ASIC5: variants seen among roughly 807,000 people sequenced by gnomAD.
ASIC5 encodes bile acid-sensitive ion channel.
A neutral mutation model predicts 51.2 loss-of-function variants in ASIC5; 52 were observed. That is an observed-to-expected ratio of 1.02 (90% CI 0.81 to 1.28). ASIC5 has a LOEUF of 1.28. Ranked by LOEUF, ASIC5 falls within the 50% of genes most tolerant of loss-of-function variation. ASIC5 has a pLI of 0.00. For missense variants in ASIC5, 635 were observed against 595.0 expected, an observed-to-expected ratio of 1.07 and a Z score of -0.70; for synonymous variants, 231 against 200.7, an observed-to-expected ratio of 1.15 and a Z score of -1.28.
At chr4:155,844,510 G>A (rs934571892) in intron 4 of ASIC5, among the ~76,000 whole-genome samples, 1 of 152,004 alleles carries the variant, frequency 6.6e-6, no homozygotes, top group Non-Finnish European at 1.5e-5. Flanking sequence ...ACAACCAGCT[G>A]ATGTTAATTT....
chr4:155,859,057 C>A (rs138480260), intron 2 of ASIC5, among the ~76,000 whole-genome samples: 45 of 151,938 alleles, frequency 3.0e-4, no homozygotes, highest in African/African-American at 1.1e-3. Flanking sequence ...TAAGAGAGGG[C>A]CCCTGAGAAG....
intron 4 of ASIC5, among the ~76,000 whole-genome samples, chr4:155,845,560 G>A (rs1025047399): frequency 6.6e-6 from 1 of 151,984 alleles, no homozygotes; most frequent in Non-Finnish European, 1.5e-5. Flanking sequence ...AGTGCACTCT[G>A]AAAGCATCAC....
At chr4:155,830,259 C>A (rs1372222511) in intron 9 of ASIC5, among the ~76,000 whole-genome samples, 5 of 151,898 alleles carry the variant, frequency 3.3e-5, no homozygotes, top group Non-Finnish European at 7.4e-5. Flanking sequence ...AGAAGAAAAG[C>A]AAACATAAAA....
chr4:155,854,443 T>C (rs951153751), intron 2 of ASIC5, 129 bp from the exon 3 acceptor site: 4 of 704,056 alleles, frequency 5.7e-6, no homozygotes, highest in Non-Finnish European at 9.5e-6. Context: ...GCAAGACATT[T>C]AAGCAAAATT....
intron 5 of ASIC5, 111 bp from the exon 6 acceptor site, chr4:155,842,465 T>C: frequency 2.8e-6 from 3 of 1,053,266 alleles, no homozygotes; most frequent in Non-Finnish European, 2.7e-6. Flanking sequence ...TCTTTGATTT[T>C]CAAAACCAAA....
intron 6 of ASIC5, among the ~76,000 whole-genome samples, chr4:155,839,225 T>G (rs143566462): frequency 2.4e-3 from 361 of 152,232 alleles, no homozygotes; most frequent in African/African-American, 8.4e-3. Context: ...TCCTGTCATA[T>G]GAGAATTTTC....
At chr4:155,843,387 C>T (rs1350864578) in intron 5 of ASIC5, among the ~76,000 whole-genome samples, 1 of 152,110 alleles carries the variant, frequency 6.6e-6, no homozygotes, top group Non-Finnish European at 1.5e-5. Flanking sequence ...CCCAGATAGT[C>T]TCATTGAAGA....
intron 3 of ASIC5, among the ~76,000 whole-genome samples, 181 bp from the exon 4 acceptor site, chr4:155,852,497 C>A (rs1014098686): frequency 6.0e-4 from 88 of 145,648 alleles, no homozygotes; most frequent in African/African-American, 2.2e-3. Flanking sequence ...AATATGCATT[C>A]GTCAATTTGC....
At position 155,829,943 on chromosome 4, in the gene ASIC5, GA is replaced by G; in HGVS notation, c.1430del (p.Phe477SerfsTer4). 6.2e-7 allele frequency: 1 copy of G among 1,606,996 alleles called. No homozygotes were observed. Among genetic ancestry groups the G allele is most frequent in the East Asian group, 2.2e-5 (1 of 44,542 alleles). On this transcript the variant is annotated frameshift_variant, in exon 10 of 10. Transcript: ENST00000537611. LOFTEE classifies it low-confidence loss of function (END_TRUNC). ...TCATTTCAGATATCTTCAGCAAAAA[GA>G]AAATGCATATCCAGTAGAAATTGGT... ...LFTNFYWICI[F>X]FLLKISEMTQ... is the part of the protein sequence containing the mutation.
chr4:155,857,603 A>T (rs986770610), intron 2 of ASIC5, among the ~76,000 whole-genome samples: 7 of 152,204 alleles, frequency 4.6e-5, no homozygotes, highest in Non-Finnish European at 1.0e-4. Flanking sequence ...CAGTTATTAG[A>T]TATGTCTTTC....
At chr4:155,849,875 C>T (rs1388978431) in intron 4 of ASIC5, among the ~76,000 whole-genome samples, 1 of 152,036 alleles carries the variant, frequency 6.6e-6, no homozygotes, top group South Asian at 2.1e-4. Context: ...TACTGATGTA[C>T]GGACTTCAAA....
At chr4:155,845,014 C>G (rs568884082) in intron 4 of ASIC5, among the ~76,000 whole-genome samples, 4 of 151,816 alleles carry the variant, frequency 2.6e-5, no homozygotes, top group African/African-American at 9.7e-5. Flanking sequence ...AACACGTGTC[C>G]CAACTTGGTC....
At chr4:155,839,632 A>G (rs895696499) in intron 6 of ASIC5, among the ~76,000 whole-genome samples, 1 of 152,132 alleles carries the variant, frequency 6.6e-6, no homozygotes, top group African/African-American at 2.4e-5. Flanking sequence ...AAATAACCAA[A>G]GGAGATTGTC....
chr4:155,850,083 T>A (rs35928796), intron 4 of ASIC5, among the ~76,000 whole-genome samples: 8,929 of 151,922 alleles, frequency 0.059, 398 homozygotes, highest in South Asian at 0.13. Context: ...GAGACTCATA[T>A]TCTCCTAAAA....
chr4:155,862,420 T>G (rs1453442668), intron 2 of ASIC5, among the ~76,000 whole-genome samples: 1 of 152,146 alleles, frequency 6.6e-6, no homozygotes, highest in Non-Finnish European at 1.5e-5. Flanking sequence ...TATCTCATTT[T>G]ATAAATATGA....
rs138299255 is a variant in ASIC5 at position 155,843,802 on chromosome 4, C to T, written c.740G>A (p.Gly247Asp). ...AAAGATGATCCCAGCATCAACGAAA[C>T]CAAGGGCTGGGTTATCAGTGAATGC... ...QEAFTDNPAL[G>D]FVDAGIIFVI... is the part of the protein sequence containing the mutation. Residue 247 changes from glycine to aspartate, a missense_variant, in exon 5 of 10, where the codon GGT (glycine) becomes GAT (aspartate). Coordinates refer to ENST00000537611, the MANE Select transcript of ASIC5 (RefSeq NM_017419.3). 71 of 1,613,508 alleles carry T rather than the reference C, an allele frequency of 4.4e-5. No individual in the cohort carries two copies. The African/African-American group carries it at 7.2e-4, about 16-fold the overall frequency.
At chr4:155,838,117 C>G (rs1003739237) in intron 7 of ASIC5, among the ~76,000 whole-genome samples, 1 of 152,156 alleles carries the variant, frequency 6.6e-6, no homozygotes, top group Non-Finnish European at 1.5e-5. Context: ...TCTATTCCTG[C>G]TACCCTGGAG....
intron 8 of ASIC5, among the ~76,000 whole-genome samples, chr4:155,835,098 T>C (rs948417721): frequency 6.6e-6 from 1 of 152,196 alleles, no homozygotes; most frequent in African/African-American, 2.4e-5. Flanking sequence ...GACCTTGGGA[T>C]ACAGAAGGCT....
At chr4:155,835,445 C>T (rs1740957805) in intron 8 of ASIC5, among the ~76,000 whole-genome samples, 1 of 151,676 alleles carries the variant, frequency 6.6e-6, no homozygotes, top group Admixed American at 6.6e-5. Flanking sequence ...AAACAGCATT[C>T]CCTAAGATCC....
Sources: gnomAD v4.1 joint callset for allele counts (sites outside exome capture counted in the v4.1 genomes callset) on GRCh38, gnomAD v4.1.1 for gene constraint, MANE v1.5 for transcripts, NCBI Gene and HGNC (gene_info 2026-07-23, HGNC 2026-07-21) for gene names.